ADAMTS6: variants seen among roughly 807,000 people sequenced by gnomAD.
ADAMTS6 encodes the protein A disintegrin and metalloproteinase with thrombospondin motifs 6.
A neutral mutation model predicts 144.3 loss-of-function variants in ADAMTS6; 23 were observed. The ratio of observed to expected loss-of-function variants is 0.16; its 90% CI spans 0.11 to 0.23. The LOEUF (loss-of-function observed/expected upper bound fraction) is 0.23, where lower values mean the gene tolerates loss of function less well. Ranked by LOEUF, ADAMTS6 falls within the 10% of genes least tolerant of loss-of-function variation. ADAMTS6 has a pLI of 1.00. For missense variants in ADAMTS6, 999 were observed against 1,379.6 expected (o/e 0.72, Z 4.37); for synonymous variants, 444 against 457.5 (o/e 0.97, Z 0.38).
intron 7 of ADAMTS6, among the ~76,000 whole-genome samples, chr5:65,347,274 A>C (rs6878202): frequency 0.57 from 87,057 of 151,720 alleles, 26,415 homozygotes; most frequent in African/African-American, 0.78. Context: ...AAGCTGGAGG[A>C]ATTGAACTAC....
chr5:65,372,649 T>A (rs1485661555), intron 7 of ADAMTS6, among the ~76,000 whole-genome samples: 1 of 151,922 alleles, frequency 6.6e-6, no homozygotes, highest in African/African-American at 2.4e-5. Context: ...CTCCCACGCA[T>A]TAATAATGGG....
chr5:65,456,807 C>G (rs929621192), intron 4 of ADAMTS6, among the ~76,000 whole-genome samples: 1 of 151,856 alleles, frequency 6.6e-6, no homozygotes, highest in African/African-American at 2.4e-5. Flanking sequence ...TCCTTTTTGT[C>G]CTGTATTTTC....
At chr5:65,450,981 A>G (rs1758694667) in intron 7 of ADAMTS6, among the ~76,000 whole-genome samples, 1 of 152,194 alleles carries the variant, frequency 6.6e-6, no homozygotes, top group Non-Finnish European at 1.5e-5. Context: ...TTATGTTTAT[A>G]TATCTTAAAG....
intron 7 of ADAMTS6, among the ~76,000 whole-genome samples, chr5:65,396,658 C>A (rs1216790420): frequency 1.3e-5 from 2 of 152,196 alleles, no homozygotes; most frequent in Non-Finnish European, 2.9e-5. Context: ...CTAAATACAT[C>A]TTTTAATGGC....
intron 14 of ADAMTS6, among the ~76,000 whole-genome samples, chr5:65,247,846 T>C (rs1387200735): frequency 2.0e-5 from 3 of 152,156 alleles, no homozygotes; most frequent in Admixed American, 6.5e-5. Flanking sequence ...AATTCACTCT[T>C]GCGTCATCCC....
At chr5:65,347,988 T>C (rs1234514152) in intron 7 of ADAMTS6, among the ~76,000 whole-genome samples, 1 of 152,068 alleles carries the variant, frequency 6.6e-6, no homozygotes, top group East Asian at 1.9e-4. Flanking sequence ...ATCTCATACT[T>C]GTTAGAATGA....
chr5:65,288,291 TTC>T (rs1213743731), intron 11 of ADAMTS6, among the ~76,000 whole-genome samples: 1 of 149,688 alleles, frequency 6.7e-6, no homozygotes, highest in African/African-American at 2.5e-5. Context: ...TTCTTTTTTT[TTC>T]TTTTTTCTTT....
intron 20 of ADAMTS6, among the ~76,000 whole-genome samples, chr5:65,208,420 G>A (rs181377208): frequency 1.5e-4 from 23 of 152,268 alleles, no homozygotes; most frequent in Non-Finnish European, 2.8e-4. Context: ...AAGAACCATT[G>A]CTCTATGGAA....
At chr5:65,272,521 G>A (rs1444942659) in intron 12 of ADAMTS6, among the ~76,000 whole-genome samples, 3 of 152,022 alleles carry the variant, frequency 2.0e-5, no homozygotes, top group Non-Finnish European at 4.4e-5. Flanking sequence ...TTATATTTTT[G>A]AAAGCTAGAT....
intron 7 of ADAMTS6, among the ~76,000 whole-genome samples, chr5:65,412,735 G>A (rs1755154651): frequency 6.6e-6 from 1 of 151,968 alleles, no homozygotes. Context: ...ATACATATTT[G>A]ATATCAAATA....
At chr5:65,434,402 G>A (rs1757225466) in intron 7 of ADAMTS6, among the ~76,000 whole-genome samples, 1 of 152,158 alleles carries the variant, frequency 6.6e-6, no homozygotes, top group Non-Finnish European at 1.5e-5. Context: ...ACTAAAAACT[G>A]TGAATTATAC....
intron 7 of ADAMTS6, among the ~76,000 whole-genome samples, chr5:65,413,616 T>A (rs1755248661): frequency 6.6e-6 from 1 of 152,018 alleles, no homozygotes; most frequent in African/African-American, 2.4e-5. Flanking sequence ...TCAAATCCCA[T>A]CAAAAATTGC....
intron 7 of ADAMTS6, among the ~76,000 whole-genome samples, chr5:65,387,663 C>T (rs1160418541): frequency 1.3e-5 from 2 of 152,080 alleles, no homozygotes; most frequent in Non-Finnish European, 2.9e-5. Flanking sequence ...AGAAGGAGAG[C>T]ATCAATAACT....
intron 7 of ADAMTS6, among the ~76,000 whole-genome samples, chr5:65,389,193 GACTCCA>G (rs1752716478): frequency 6.6e-6 from 1 of 151,536 alleles, no homozygotes; most frequent in Admixed American, 6.6e-5. Flanking sequence ...GACAGAGCGA[GACTCCA>G]TCTCAAAGAA....
intron 24 of ADAMTS6, among the ~76,000 whole-genome samples, chr5:65,163,746 G>T (rs959541766): frequency 1.3e-4 from 20 of 152,218 alleles, no homozygotes; most frequent in Admixed American, 8.5e-4. Context: ...TTCAGGTGTT[G>T]TTCATGTGCA....
In ADAMTS6 at chr5:65,449,151, CT is replaced by C. The variant is rs1561551464; in HGVS notation, c.1073+2323del. The stretch of plus-strand genomic sequence containing the variant: ...AAATAGGCTAGAAGTTACTTTGAAA[CT>C]TTAATAAGAGTTCAAAAAAGAATTC... On this transcript the variant is annotated intron_variant, in intron 7 of 24. Coordinates refer to ENST00000381055, the MANE Select transcript of ADAMTS6 (RefSeq NM_197941.4). 2.0e-5 allele frequency among the ~76,000 whole-genome samples: 3 copies of C among 152,236 alleles called. No individual in the cohort carries two copies. In the East Asian group the frequency reaches 5.8e-4, roughly 29 times the overall value.
chr5:65,268,451 G>A (rs1049114405), intron 12 of ADAMTS6, among the ~76,000 whole-genome samples: 5 of 152,076 alleles, frequency 3.3e-5, no homozygotes, highest in African/African-American at 1.2e-4. Context: ...CCTGTCCAAA[G>A]GGCTATTGCT....
chr5:65,187,991 T>C, intron 22 of ADAMTS6, 25 bp downstream of exon 22: 3 of 1,611,250 alleles, frequency 1.9e-6, no homozygotes, highest in South Asian at 1.1e-5. Flanking sequence ...TCAAAACATA[T>C]ACATATAGCC....
chr5:65,440,473 T>C (rs1005335458), intron 7 of ADAMTS6, among the ~76,000 whole-genome samples: 2 of 152,102 alleles, frequency 1.3e-5, no homozygotes, highest in Admixed American at 1.3e-4. Context: ...GTGGACTCTC[T>C]GAGTTGAAGA....
Sources: allele counts gnomAD v4.1 joint callset (sites outside exome capture counted in the v4.1 genomes callset), GRCh38; gene constraint gnomAD v4.1.1; transcripts MANE v1.5; gene names NCBI Gene and HGNC (gene_info 2026-07-23, HGNC 2026-07-21).